Variants in NELL2 observed in about 807,000 individuals in gnomAD.
The protein encoded by NELL2 is protein kinase C-binding protein NELL2.
A neutral mutation model predicts 109.6 loss-of-function variants in NELL2; 41 were observed. The observed-to-expected ratio is 0.37, with a 90% CI of 0.29 to 0.49. NELL2 has a LOEUF of 0.49. NELL2 is among the 20% of genes least tolerant of loss of function. The pLI is 0.98. For synonymous variants in NELL2, 355 were observed against 344.7 expected (o/e 1.03, Z -0.33); for missense variants, 900 against 1,008.3 (o/e 0.89, Z 1.45).
At chr12:44,801,241 AT>A in intron 3 of NELL2, among the ~76,000 whole-genome samples, 1 of 152,258 alleles carries the variant, frequency 6.6e-6, no homozygotes, top group Admixed American at 6.6e-5. Flanking sequence ...ACCATGATTT[AT>A]TTACATTGCC....
At chr12:44,796,890 C>G (rs1281078172) in intron 3 of NELL2, among the ~76,000 whole-genome samples, 2 of 151,774 alleles carry the variant, frequency 1.3e-5, no homozygotes, top group Non-Finnish European at 2.9e-5. Context: ...GAAAAAATGA[C>G]CACTTGTAAA....
In NELL2 at chr12:44,517,652, T is replaced by C. The variant is rs1941338052; in HGVS notation, c.2400+2353A>G. On this transcript the variant is annotated intron_variant, in intron 19 of 19. Transcript: ENST00000429094. ...GTTGAAATGTGGCTAGTGTAACTAA[T>C]AAATTAAAATTTTCATATTATTTAA... Among the ~76,000 whole-genome samples, 3 of 152,112 alleles carry C rather than the reference T, an allele frequency of 2.0e-5. No homozygotes were observed. In the South Asian group the frequency reaches 6.2e-4, roughly 31 times the overall value.
chr12:44,852,484 CATTCCCTCTCTTTTCTTCATGAG>C (rs1944562564), intron 2 of NELL2, among the ~76,000 whole-genome samples: 1 of 152,176 alleles, frequency 6.6e-6, no homozygotes, highest in Admixed American at 6.5e-5. Context: ...ACAGTTTAAA[CATTCCCTCTCTTTTCTTCATGAG>C]ACAGCTAAGA....
intron 13 of NELL2, among the ~76,000 whole-genome samples, chr12:44,651,303 T>A (rs1947292585): frequency 2.0e-5 from 3 of 152,270 alleles, no homozygotes; most frequent in African/African-American, 7.2e-5. Context: ...AGACTAAAAA[T>A]CCAAAGCTAT....
chr12:44,598,854 TACAC>T (rs754118280), intron 15 of NELL2, among the ~76,000 whole-genome samples: 3,304 of 118,448 alleles, frequency 0.028, 139 homozygotes, highest in African/African-American at 0.1. Flanking sequence ...AAGAAAGAAA[TACAC>T]ACACACACAC....
chr12:44,583,543 T>C (rs974562154), intron 15 of NELL2, among the ~76,000 whole-genome samples: 4 of 152,092 alleles, frequency 2.6e-5, no homozygotes, highest in African/African-American at 4.8e-5. Context: ...AAACTACAAA[T>C]TAGACATTTA....
intron 13 of NELL2, among the ~76,000 whole-genome samples, chr12:44,661,911 C>T (rs1159302687): frequency 6.6e-6 from 1 of 151,982 alleles, no homozygotes; most frequent in Non-Finnish European, 1.5e-5. Flanking sequence ...GTTCTCCCTT[C>T]CCCCTTCCTT....
intron 11 of NELL2, among the ~76,000 whole-genome samples, chr12:44,708,303 T>G (rs537360425): frequency 6.6e-6 from 1 of 152,308 alleles, no homozygotes; most frequent in South Asian, 2.1e-4. Context: ...TTGGGTGAAT[T>G]TGATTTAGCG....
intron 2 of NELL2, among the ~76,000 whole-genome samples, chr12:44,817,110 T>C (rs1943379205): frequency 6.6e-6 from 1 of 152,158 alleles, no homozygotes; most frequent in Non-Finnish European, 1.5e-5. Context: ...TTGTGCAGGA[T>C]TGTCTCATGC....
At chr12:44,904,944 G>A (rs994431252) in intron 1 of NELL2, among the ~76,000 whole-genome samples, 2 of 151,986 alleles carry the variant, frequency 1.3e-5, no homozygotes, top group Non-Finnish European at 2.9e-5. Context: ...TTCCCCACTG[G>A]GCATTGTCCA....
rs767028543 is a variant in NELL2, at chr12:44,875,361, G to C, written c.56-8C>G. ...CCACACCAAGCCCCCAAACTGGTGA[G>C]GGGTATGAGGTGGGAGAGAGAAAAA... On this transcript the variant is annotated splice_polypyrimidine_tract_variant and splice_region_variant and intron_variant, in intron 1 of 19. Transcript: ENST00000429094. The C allele has an allele frequency of 6.2e-7, 1 of 1,614,094 alleles. No homozygotes were observed. The highest frequency in any genetic ancestry group is 8.5e-7 in the Non-Finnish European group (1 of 1,180,028).
At chr12:44,630,568 G>C (rs913769314) in intron 13 of NELL2, among the ~76,000 whole-genome samples, 1 of 152,090 alleles carries the variant, frequency 6.6e-6, no homozygotes, top group Admixed American at 6.6e-5. Flanking sequence ...TTAACAGAAG[G>C]CACTTTCCAT....
intron 14 of NELL2, among the ~76,000 whole-genome samples, chr12:44,608,940 G>T (rs1171496861): frequency 6.7e-6 from 1 of 150,176 alleles, no homozygotes; most frequent in African/African-American, 2.4e-5. Flanking sequence ...TTCCTATACA[G>T]ACATACTATG....
intron 2 of NELL2, among the ~76,000 whole-genome samples, chr12:44,817,226 T>C (rs1943383347): frequency 1.3e-5 from 2 of 152,172 alleles, no homozygotes. Context: ...CTTCCAAACA[T>C]TCCCAGGGAA....
intron 3 of NELL2, among the ~76,000 whole-genome samples, chr12:44,806,470 T>C (rs942153617): frequency 6.6e-6 from 1 of 151,882 alleles, no homozygotes; most frequent in Non-Finnish European, 1.5e-5. Context: ...ATTTCATAAA[T>C]ATTCACCTAT....
At chr12:44,745,041 GC>G (rs1940247101) in intron 9 of NELL2, among the ~76,000 whole-genome samples, 1 of 152,198 alleles carries the variant, frequency 6.6e-6, no homozygotes, top group Admixed American at 6.5e-5. Context: ...GAACATCAAT[GC>G]GAAAATCCTA....
intron 15 of NELL2, among the ~76,000 whole-genome samples, chr12:44,579,411 T>C (rs773414412): frequency 3.3e-5 from 5 of 152,206 alleles, no homozygotes; most frequent in Non-Finnish European, 5.9e-5. Flanking sequence ...GGCATATAGA[T>C]AACGATTTTG....
At chr12:44,594,244 C>A (rs530809701) in intron 15 of NELL2, among the ~76,000 whole-genome samples, 1 of 152,120 alleles carries the variant, frequency 6.6e-6, no homozygotes, top group East Asian at 1.9e-4. Context: ...ACCTATGTAA[C>A]AAACCTGCAC....
intron 9 of NELL2, among the ~76,000 whole-genome samples, chr12:44,721,273 A>G (rs1414803737): frequency 6.6e-6 from 1 of 152,250 alleles, no homozygotes; most frequent in East Asian, 1.9e-4. Flanking sequence ...CATATACCAT[A>G]TAACAGTCTA....
Sources: gnomAD v4.1 joint callset for allele counts (sites outside exome capture counted in the v4.1 genomes callset) on GRCh38, gnomAD v4.1.1 for gene constraint, MANE v1.5 for transcripts, NCBI Gene and HGNC (gene_info 2026-07-23, HGNC 2026-07-21) for gene names.